Variants in ATP10A observed in about 807,000 individuals in gnomAD.
ATP10A encodes ATPase phospholipid transporting 10A (putative).
ATP10A carries 111 observed loss-of-function variants against 147.8 expected under a neutral mutation model. That is an observed-to-expected ratio of 0.75 (90% CI 0.64 to 0.88). The LOEUF (loss-of-function observed/expected upper bound fraction) is 0.88. Among genes scored for constraint, ATP10A ranks in the 40% least tolerant of loss-of-function variants. The pLI, the probability that ATP10A is intolerant of heterozygous loss-of-function variation, is 0.00. For missense variants in ATP10A, 1,927 were observed against 1,959.0 expected (o/e 0.98, Z 0.31); for synonymous variants, 875 against 841.6 (o/e 1.04, Z -0.69).
At chr15:25,701,584 G>T (rs1900663430) in intron 13 of ATP10A, among the ~76,000 whole-genome samples, 1 of 152,202 alleles carries the variant, frequency 6.6e-6, no homozygotes, top group South Asian at 2.1e-4. Context: ...ATGATCCTGA[G>T]GTGGTCAGTG....
At chr15:25,846,905 A>G (rs1430966894) in intron 1 of ATP10A, among the ~76,000 whole-genome samples, 2 of 152,198 alleles carry the variant, frequency 1.3e-5, no homozygotes, top group African/African-American at 4.8e-5. Flanking sequence ...CCGGTAATTT[A>G]TAAATAAATA....
chr15:25,684,280 C>T (rs890713175), intron 16 of ATP10A, among the ~76,000 whole-genome samples: 8 of 152,180 alleles, frequency 5.3e-5, no homozygotes, highest in East Asian at 1.9e-4. Context: ...TGCATTTATA[C>T]GGTGGACATG....
At chr15:25,798,294 T>C (rs2140770705) in intron 1 of ATP10A, among the ~76,000 whole-genome samples, 1 of 152,244 alleles carries the variant, frequency 6.6e-6, no homozygotes, top group South Asian at 2.1e-4. Flanking sequence ...CTTCATGCTA[T>C]AAGGTCTGAA....
At chr15:25,837,209 A>C (rs1252334755) in intron 1 of ATP10A, among the ~76,000 whole-genome samples, 1 of 152,128 alleles carries the variant, frequency 6.6e-6, no homozygotes, top group Non-Finnish European at 1.5e-5. Context: ...TATTTTTCCT[A>C]CCTGCCCCTC....
chr15:25,683,180 T>C, intron 17 of ATP10A, 106 bp downstream of exon 17: 4 of 1,052,830 alleles, frequency 3.8e-6, no homozygotes, highest in Non-Finnish European at 5.6e-6. Context: ...TTTCAGTTTG[T>C]CCAGGGTGTC....
intron 1 of ATP10A, among the ~76,000 whole-genome samples, chr15:25,842,136 A>C (rs2140892513): frequency 6.6e-6 from 1 of 152,340 alleles, no homozygotes. Flanking sequence ...AGTGGTCCAC[A>C]CAGCAGCATC....
At chr15:25,862,363 T>C in intron 1 of ATP10A, 1 of 622,492 alleles carries the variant, frequency 1.6e-6, no homozygotes. Context: ...CCAGCGGCCG[T>C]CGGTTTCTAG....
rs1026196236 is a variant in ATP10A at position 25,808,791 on chromosome 15, T to G, written c.450-27568A>C. ...GATCTATATTATCTTTGTGCCAGTATACCAACTTTATGCCAAATGCCATAC... is the reference window on the plus strand; with the variant it reads ...GATCTATATTATCTTTGTGCCAGTAGACCAACTTTATGCCAAATGCCATAC... On this transcript the variant is annotated intron_variant, in intron 1 of 20. Transcript: ENST00000555815. Among the ~76,000 whole-genome samples the G allele has an allele frequency of 2.0e-5, 3 of 152,206 alleles. No individual in the cohort carries two copies. In the East Asian group the frequency reaches 5.8e-4, roughly 29 times the overall value.
intron 2 of ATP10A, among the ~76,000 whole-genome samples, chr15:25,764,504 C>T (rs1398531454): frequency 2.0e-5 from 3 of 152,102 alleles, no homozygotes; most frequent in African/African-American, 4.8e-5. Context: ...GACACTCACT[C>T]GAAGTTCTGC....
intron 1 of ATP10A, among the ~76,000 whole-genome samples, chr15:25,845,227 T>G (rs959291351): frequency 6.6e-6 from 1 of 152,134 alleles, no homozygotes; most frequent in Non-Finnish European, 1.5e-5. Context: ...AGACTGAATG[T>G]ATTAACGAAG....
At chr15:25,833,563 A>C (rs1892460027) in intron 1 of ATP10A, among the ~76,000 whole-genome samples, 1 of 152,162 alleles carries the variant, frequency 6.6e-6, no homozygotes, top group Admixed American at 6.5e-5. Flanking sequence ...AATGGATCAC[A>C]GTGGAATGGC....
At position 25,855,344 on chromosome 15, in the gene ATP10A, G is replaced by A. The variant is rs1307991909; in HGVS notation, c.449+7304C>T. 2.0e-5 allele frequency among the ~76,000 whole-genome samples: 3 copies of A among 152,098 alleles called. No individual in the cohort carries two copies. In the East Asian group the frequency reaches 5.8e-4, roughly 29 times the overall value. On this transcript the variant is annotated intron_variant, in intron 1 of 20. Transcript: ENST00000555815. ...GTTTAACATTTGAAAATCAATTAAT[G>A]AGTATATGTCATATTAATTGAACTA...
At position 25,714,099 on chromosome 15, in the gene ATP10A, C is replaced by T; in HGVS notation, c.1919G>A (p.Ser640Asn). The T allele has an allele frequency of 6.2e-7, 1 of 1,613,422 alleles. No individual in the cohort carries two copies. The highest frequency in any genetic ancestry group is 8.5e-7 in the Non-Finnish European group (1 of 1,180,032). Residue 640 changes from serine to asparagine, a missense_variant, in exon 10 of 21, where the codon AGC becomes AAC. Coordinates refer to ENST00000555815, the MANE Select transcript of ATP10A (RefSeq NM_024490.4). ...GTCGCTGGACGGGGTGGACGGGAAG[C>T]TGGAGCCCAACTTGTGGCTGGACTT... ...ANKSSHKLGS[S>N]FPSTPSSDGM...
At chr15:25,774,582 GAAA>G (rs201795381) in intron 2 of ATP10A, among the ~76,000 whole-genome samples, 5,647 of 141,768 alleles carry the variant, frequency 0.04, 110 homozygotes, top group Middle Eastern at 0.12. Flanking sequence ...GTCTCAAAAA[GAAA>G]AAAAAAAAAA....
rs72194498 is a variant in ATP10A at position 25,714,961 on chromosome 15, C to CAT, written c.1777-722_1777-721dup. 2.4e-5 allele frequency among the ~76,000 whole-genome samples: 3 copies of CAT among 127,618 alleles called. No individual in the cohort carries two copies. The Admixed American group carries it at 2.4e-4, about 10-fold the overall frequency. The allele number at this position is 127,618 out of a possible 152,430, so 83.7% of individuals were successfully genotyped here. Reference sequence around the variant, plus strand: ...ACAGTAAGAAACAAAATGAATGACACATATACACACACACACACACACACA... The same window carrying CAT: ...ACAGTAAGAAACAAAATGAATGACACATATATACACACACACACACACACACA... On this transcript the variant is annotated intron_variant, in intron 9 of 20. Coordinates refer to ENST00000555815, the MANE Select transcript of ATP10A (RefSeq NM_024490.4).
chr15:25,729,279 G>T (rs936923315), intron 3 of ATP10A, among the ~76,000 whole-genome samples: 1 of 152,148 alleles, frequency 6.6e-6, no homozygotes, highest in Non-Finnish European at 1.5e-5. Flanking sequence ...TTGAGGTCAG[G>T]AGTTCGAGAC....
intron 10 of ATP10A, among the ~76,000 whole-genome samples, chr15:25,711,063 G>A (rs1901386404): frequency 6.6e-6 from 1 of 152,100 alleles, no homozygotes; most frequent in Non-Finnish European, 1.5e-5. Context: ...AGCCGTAAGT[G>A]TAGACCTGGG....
chr15:25,788,686 C>T (rs555034453), intron 1 of ATP10A, among the ~76,000 whole-genome samples: 9 of 152,336 alleles, frequency 5.9e-5, no homozygotes, highest in Non-Finnish European at 1.2e-4. Flanking sequence ...GGAATTAAAA[C>T]AAGAGCTGTT....
intron 3 of ATP10A, among the ~76,000 whole-genome samples, chr15:25,731,172 C>T (rs1005050852): frequency 1.3e-5 from 2 of 152,180 alleles, no homozygotes; most frequent in African/African-American, 4.8e-5. Context: ...CGGCCCTATG[C>T]GGTTGTAGGA....
Sources: allele counts gnomAD v4.1 joint callset (sites outside exome capture counted in the v4.1 genomes callset), GRCh38; gene constraint gnomAD v4.1.1; transcripts MANE v1.5; gene names NCBI Gene and HGNC (gene_info 2026-07-23, HGNC 2026-07-21).